Variants in HVCN1 observed in about 807,000 individuals in gnomAD.
HVCN1 encodes the protein hydrogen voltage gated channel 1, also known as voltage-gated hydrogen channel 1.
HVCN1 carries 14 observed loss-of-function variants against 29.2 expected under a neutral mutation model. That is an observed-to-expected ratio of 0.48 (90% confidence interval 0.32 to 0.75). HVCN1 has a LOEUF of 0.75. Ranked by LOEUF, HVCN1 falls within the 30% of genes least tolerant of loss-of-function variation. The pLI is 0.04. For synonymous variants in HVCN1, 131 were observed against 133.2 expected (o/e 0.98, Z 0.11); for missense variants, 263 against 341.8 (o/e 0.77, Z 1.82).
intron 3 of HVCN1, among the ~76,000 whole-genome samples, chr12:110,675,414 G>A (rs575992345): frequency 3.3e-5 from 5 of 151,882 alleles, no homozygotes; most frequent in South Asian, 2.1e-4. Context: ...AGCCAAGATC[G>A]TGCCACTGCA....
rs1446113870 is a variant in HVCN1, at chr12:110,650,150, A to T, written c.756+18T>A. ...ATGAGCCACCACGCCTGGTCCCCAG[A>T]TGTGTCGTCTTTCTTACCTTCTCAG... is the stretch of plus-strand genomic sequence containing the variant. On this transcript the variant is annotated intron_variant, in intron 7 of 7. Coordinates refer to ENST00000242607, the MANE Select transcript of HVCN1 (RefSeq NM_032369.4). 6.5e-7 allele frequency: 1 copy of T among 1,537,458 alleles called. No individual in the cohort carries two copies. Among genetic ancestry groups the T allele is most frequent in the African/African-American group, 1.4e-5 (1 of 73,500 alleles).
intron 2 of HVCN1, among the ~76,000 whole-genome samples, chr12:110,696,986 A>G (rs2069503793): frequency 6.6e-6 from 1 of 152,082 alleles, no homozygotes; most frequent in African/African-American, 2.4e-5. Flanking sequence ...GCATGATTCC[A>G]GATCCATGTG....
rs1310665858 is a variant in HVCN1, at chr12:110,661,488, G to A, written c.22-40C>T. On this transcript the variant is annotated intron_variant, in intron 3 of 7. Transcript: ENST00000242607. This position sits in a 1 kb window ranked among gnomAD's most constrained non-coding sequence, Gnocchi z 6.2. ...CAGAGAGCAAGAGCTTCAGGCAGTT[G>A]GCCACTCAGAGCCCACATGGCCCAG... The A allele has an allele frequency of 6.3e-7, 1 of 1,597,050 alleles. No individual in the cohort carries two copies. Among genetic ancestry groups the A allele is most frequent in the African/African-American group, 1.3e-5 (1 of 74,760 alleles).
In HVCN1 at chr12:110,649,004, G is replaced by A. The variant is rs1273778985; in HGVS notation, c.*406C>T. Reference sequence around the variant, plus strand: ...TGAAAATAAGAGACTTTTCTAGAATGGGGTGGCAGCTAAAGTAGCTTCTTT... The same window carrying A: ...TGAAAATAAGAGACTTTTCTAGAATAGGGTGGCAGCTAAAGTAGCTTCTTT... On this transcript the variant is annotated 3_prime_UTR_variant, in exon 8 of 8. Coordinates refer to ENST00000242607, the MANE Select transcript of HVCN1 (RefSeq NM_032369.4). 6.5e-6 allele frequency: 3 copies of A among 463,270 alleles called. No homozygotes were observed. Among genetic ancestry groups the A allele is most frequent in the Non-Finnish European group, 1.3e-5 (3 of 236,910 alleles). The allele number at this position is 463,270 out of a possible 1,614,324, so 28.7% of individuals were successfully genotyped here. A position where few individuals can be genotyped will look rare whatever the true frequency, so the allele number is the denominator to read the frequency against.
chr12:110,697,126 A>C (rs2069505967), intron 2 of HVCN1, among the ~76,000 whole-genome samples: 1 of 151,938 alleles, frequency 6.6e-6, no homozygotes, highest in Non-Finnish European at 1.5e-5. Flanking sequence ...CAGGTGGAGG[A>C]TGTCCCCATT....
chr12:110,662,639 G>A (rs1439311995), intron 3 of HVCN1, among the ~76,000 whole-genome samples: 1 of 152,106 alleles, frequency 6.6e-6, no homozygotes, highest in Non-Finnish European at 1.5e-5. Flanking sequence ...TGGGAGGCGT[G>A]GGTTGCAGTG....
rs931476983 is a variant in HVCN1 at position 110,676,765 on chromosome 12, C to T, written c.21+6460G>A. Among the ~76,000 whole-genome samples the T allele has an allele frequency of 5.3e-5, 8 of 152,280 alleles. No homozygotes were observed. Among genetic ancestry groups the T allele is most frequent in the Admixed American group, 1.3e-4 (2 of 15,292 alleles). On this transcript the variant is annotated intron_variant, in intron 3 of 7. Transcript: ENST00000242607. The surrounding 1 kb of genome is among the most constrained non-coding windows in gnomAD (Gnocchi z 4.1). The stretch of plus-strand genomic sequence containing the variant: ...CAGGTTTTTTCTGAACTTCACCCCA[C>T]GTGCCTTTTCCCTTTACTGATTTTA...
intron 2 of HVCN1, among the ~76,000 whole-genome samples, chr12:110,696,005 T>C (rs139956919): frequency 0.025 from 3,705 of 148,130 alleles, 133 homozygotes; most frequent in African/African-American, 0.082. Flanking sequence ...CAGGCTGGAG[T>C]GCAATGGCGC....
At chr12:110,652,282 A>AT (rs1253051367) in intron 5 of HVCN1, among the ~76,000 whole-genome samples, 1 of 152,170 alleles carries the variant, frequency 6.6e-6, no homozygotes, top group Non-Finnish European at 1.5e-5. Context: ...AGTCCCAGCT[A>AT]TTTGGGAGGC....
intron 3 of HVCN1, among the ~76,000 whole-genome samples, chr12:110,681,325 A>G (rs886797299): frequency 2.0e-5 from 3 of 152,184 alleles, no homozygotes; most frequent in Non-Finnish European, 4.4e-5. Flanking sequence ...TTCTTTTCCC[A>G]TAAGTGAGAT....
At chr12:110,683,160 C>G in intron 3 of HVCN1, 65 bp downstream of exon 3, 4 of 1,610,720 alleles carry the variant, frequency 2.5e-6, no homozygotes, top group Non-Finnish European at 3.4e-6. Flanking sequence ...TTTGAAACAC[C>G]AAACAGAATT....
At chr12:110,680,942 C>CA (rs1056394927) in intron 3 of HVCN1, among the ~76,000 whole-genome samples, 35 of 152,028 alleles carry the variant, frequency 2.3e-4, no homozygotes, top group African/African-American at 8.0e-4. Context: ...AAAAACAAAA[C>CA]AAAAAAAGGC....
chr12:110,687,029 C>T (rs140731737), intron 2 of HVCN1, among the ~76,000 whole-genome samples: 11 of 152,128 alleles, frequency 7.2e-5, no homozygotes, highest in Admixed American at 1.3e-4. Context: ...TATGTAGAAA[C>T]GGGAGAAAAA....
Position 110,683,221 on chromosome 12 carries a change from T to C in HVCN1, c.21+4A>G, listed in dbSNP as rs758224906. 1 of 1,613,126 alleles carries C rather than the reference T, an allele frequency of 6.2e-7. No homozygotes were observed. The highest frequency in any genetic ancestry group is 2.2e-5 in the East Asian group (1 of 44,858). ...TAATGCTGCAAGACCACAGAATCCA[T>C]TACCTTTTCGTCCCAGGTGGCCATG... is the stretch of plus-strand genomic sequence containing the variant. On this transcript the variant is annotated splice_donor_region_variant and intron_variant, in intron 3 of 7. Transcript: ENST00000242607.
intron 3 of HVCN1, among the ~76,000 whole-genome samples, chr12:110,668,527 A>G (rs1487195323): frequency 1.3e-5 from 2 of 151,794 alleles, no homozygotes; most frequent in African/African-American, 2.4e-5. Flanking sequence ...AAAAACCCCA[A>G]AACTCTTCTC....
chr12:110,649,806 C>T (rs1052354181), intron 7 of HVCN1, among the ~76,000 whole-genome samples: 1 of 152,156 alleles, frequency 6.6e-6, no homozygotes, highest in Non-Finnish European at 1.5e-5. Context: ...ATGAGCAGCG[C>T]TCTGCTGCAG....
At chr12:110,672,156 T>C (rs927742211) in intron 3 of HVCN1, among the ~76,000 whole-genome samples, 1 of 152,176 alleles carries the variant, frequency 6.6e-6, no homozygotes, top group South Asian at 2.1e-4. Context: ...TTTATTGAGA[T>C]GGGATCTCAT....
Position 110,649,345 on chromosome 12 carries a change from G to T in HVCN1, c.*65C>A. On this transcript the variant is annotated 3_prime_UTR_variant, in exon 8 of 8. Transcript: ENST00000242607. ...ACCAAGCGGCCCAGGAGGGGCAGCT[G>T]TTCCTCTCGTGACAGCACAGGCCCA... 7.4e-7 allele frequency: 1 copy of T among 1,353,082 alleles called. No homozygotes were observed. Among genetic ancestry groups the T allele is most frequent in the Non-Finnish European group, 1.0e-6 (1 of 953,084 alleles). 83.8% of individuals were successfully genotyped at this position (1,353,082 alleles called of 1,614,324 possible).
At chr12:110,678,932 G>A (rs145175969) in intron 3 of HVCN1, among the ~76,000 whole-genome samples, 1 of 152,206 alleles carries the variant, frequency 6.6e-6, no homozygotes, top group East Asian at 1.9e-4. Flanking sequence ...AGCAGGGGCT[G>A]TGCTATTTGT....
Sources: allele counts gnomAD v4.1 joint callset (sites outside exome capture counted in the v4.1 genomes callset), GRCh38; gene constraint gnomAD v4.1.1; non-coding constraint Gnocchi (gnomAD v3.1); transcripts MANE v1.5; gene names NCBI Gene and HGNC (gene_info 2026-07-23, HGNC 2026-07-21).